Variants in AFG2A observed in about 807,000 individuals in gnomAD.
The protein encoded by AFG2A is AAA ATPase AFG2A.
the AFG2A span, among the ~76,000 whole-genome samples, chr4:123,089,012 T>C: frequency 6.6e-6 from 1 of 152,222 alleles, no homozygotes; most frequent in African/African-American, 2.4e-5. Flanking sequence ...CAAGAATTAG[T>C]GCCCAAAACA....
At chr4:123,089,184 A>AT in the AFG2A span, among the ~76,000 whole-genome samples, 2 of 152,324 alleles carry the variant, frequency 1.3e-5, no homozygotes, top group Non-Finnish European at 2.9e-5. Context: ...ACTAAGTCAA[A>AT]TTTTTGAACT....
At chr4:123,205,935 G>A in the AFG2A span, among the ~76,000 whole-genome samples, 10 of 152,102 alleles carry the variant, frequency 6.6e-5, no homozygotes, top group Non-Finnish European at 1.5e-4. Flanking sequence ...GAAATCAGAT[G>A]TCCTACTTGA....
the AFG2A span, among the ~76,000 whole-genome samples, chr4:123,168,004 A>G: frequency 6.6e-6 from 1 of 152,202 alleles, no homozygotes; most frequent in Non-Finnish European, 1.5e-5. Flanking sequence ...TATGCACACC[A>G]AACTGATTGT....
At chr4:123,112,134 A>G in the AFG2A span, among the ~76,000 whole-genome samples, 2 of 152,334 alleles carry the variant, frequency 1.3e-5, no homozygotes, top group South Asian at 4.1e-4. Flanking sequence ...GCATACATTC[A>G]GAACTCTGGA....
At chr4:123,185,438 G>A in the AFG2A span, among the ~76,000 whole-genome samples, 13 of 152,182 alleles carry the variant, frequency 8.5e-5, no homozygotes, top group African/African-American at 2.9e-4. Flanking sequence ...AACTCTGTGA[G>A]AGTCTAAGTA....
the AFG2A span, among the ~76,000 whole-genome samples, chr4:123,040,672 T>C: frequency 6.6e-6 from 1 of 152,234 alleles, no homozygotes; most frequent in Non-Finnish European, 1.5e-5. Context: ...GTATTGTTTC[T>C]TTTTCTTCAA....
the AFG2A span, among the ~76,000 whole-genome samples, chr4:123,187,608 G>A: frequency 2.0e-5 from 3 of 151,988 alleles, no homozygotes; most frequent in Admixed American, 2.0e-4. Flanking sequence ...AGACATAATT[G>A]TATCATTTGG....
the AFG2A span, among the ~76,000 whole-genome samples, chr4:123,004,090 G>T: frequency 2.6e-5 from 4 of 152,308 alleles, no homozygotes; most frequent in East Asian, 7.7e-4. Context: ...GCGAGACTCC[G>T]TGGGCGTAGG....
chr4:123,217,638 T>G, the AFG2A span, among the ~76,000 whole-genome samples: 1 of 152,320 alleles, frequency 6.6e-6, no homozygotes, highest in East Asian at 1.9e-4. Flanking sequence ...TCATACCCCT[T>G]CCACCCATAC....
the AFG2A span, among the ~76,000 whole-genome samples, chr4:122,999,152 T>A: frequency 2.5e-5 from 1 of 39,342 alleles, no homozygotes. Flanking sequence ...CACTTGTTGA[T>A]GGGGTTGTTT....
the AFG2A span, among the ~76,000 whole-genome samples, chr4:123,137,818 T>C: frequency 6.6e-6 from 1 of 152,226 alleles, no homozygotes; most frequent in Admixed American, 6.5e-5. Context: ...TTAATTCATT[T>C]ACTGGCATTT....
the AFG2A span, among the ~76,000 whole-genome samples, chr4:123,038,580 A>G: frequency 2.6e-5 from 4 of 152,084 alleles, no homozygotes; most frequent in African/African-American, 9.7e-5. Context: ...GTGACTTCTC[A>G]TAAAACTCGA....
At chr4:123,113,361 T>G in the AFG2A span, among the ~76,000 whole-genome samples, 1 of 144,570 alleles carries the variant, frequency 6.9e-6, no homozygotes, top group East Asian at 2.1e-4. Context: ...ATACAGCTTT[T>G]TGGCCTGGAA....
At chr4:123,096,679 G>T in the AFG2A span, among the ~76,000 whole-genome samples, 10 of 152,046 alleles carry the variant, frequency 6.6e-5, no homozygotes, top group South Asian at 2.1e-3. Flanking sequence ...TATCCCTAGC[G>T]TATAAACCTA....
the AFG2A span, among the ~76,000 whole-genome samples, chr4:123,177,706 C>G: frequency 5.0e-4 from 76 of 152,268 alleles, 1 homozygote; most frequent in African/African-American, 1.6e-3. Flanking sequence ...TTTGATTTTT[C>G]TAACTTTCTG....
chr4:123,200,267 G>T, the AFG2A span, among the ~76,000 whole-genome samples: 1 of 152,182 alleles, frequency 6.6e-6, no homozygotes, highest in Non-Finnish European at 1.5e-5. Context: ...TATTCCAAAA[G>T]GAAAGTCCAC....
At chr4:123,042,964 C>T in the AFG2A span, among the ~76,000 whole-genome samples, 6 of 152,032 alleles carry the variant, frequency 3.9e-5, no homozygotes, top group Non-Finnish European at 5.9e-5. Flanking sequence ...ATATATTTGC[C>T]GTTTCTAACC....
At chr4:123,271,261 C>T in the AFG2A span, among the ~76,000 whole-genome samples, 4 of 152,090 alleles carry the variant, frequency 2.6e-5, no homozygotes, top group Non-Finnish European at 5.9e-5. Flanking sequence ...TTGCCGTTTA[C>T]CAAAGATAAA....
the AFG2A span, among the ~76,000 whole-genome samples, chr4:123,136,788 G>A: frequency 2.0e-5 from 3 of 150,972 alleles, no homozygotes; most frequent in African/African-American, 7.3e-5. Context: ...GTTGCAGTGA[G>A]CCGAGATCAT....
Sources: allele counts gnomAD v4.1 joint callset (sites outside exome capture counted in the v4.1 genomes callset), GRCh38; gene constraint gnomAD v4.1.1; transcripts MANE v1.5; gene names NCBI Gene and HGNC (gene_info 2026-07-23, HGNC 2026-07-21).